OPA1: variants seen among roughly 807,000 people sequenced by gnomAD.
The protein encoded by OPA1 is dynamin-like GTPase OPA1, mitochondrial.
A neutral mutation model predicts 152.9 loss-of-function variants in OPA1; 59 were observed. The observed-to-expected ratio is 0.39, with a 90% confidence interval of 0.31 to 0.48. OPA1 has a LOEUF of 0.48. OPA1 is among the 20% of genes least tolerant of loss of function. The pLI is 0.96. For missense variants in OPA1, 1,008 were observed against 1,216.8 expected, an observed-to-expected ratio of 0.83 and a Z score of 2.55; for synonymous variants, 400 against 389.9, an observed-to-expected ratio of 1.03 and a Z score of -0.31.
chr3:193,596,340 T>TTTC lies in OPA1; in HGVS notation c.32+2931_32+2932insTTC, dbSNP rs1204679679. 7.8e-3 allele frequency among the ~76,000 whole-genome samples: 618 copies of TTTC among 79,264 alleles called. 6 individuals are homozygous for TTTC. Among genetic ancestry groups the TTTC allele is most frequent in the African/African-American group, 0.02 (415 of 20,368 alleles). The allele number at this position is 79,264 out of a possible 152,430, so 52.0% of individuals were successfully genotyped here. ...CCTTTCCTTTCCTTTCCTTTCCTTTTCTTTTCTTTTCTTTTCTTTTCTTAA... is the reference window on the plus strand; with the variant it reads ...CCTTTCCTTTCCTTTCCTTTCCTTTTTTCCTTTTCTTTTCTTTTCTTTTCTTAA... On this transcript the variant is annotated intron_variant, in intron 1 of 30. Coordinates refer to ENST00000361510, the MANE Select transcript of OPA1 (RefSeq NM_130837.3).
chr3:193,635,018 A>G (rs1479724325), intron 8 of OPA1, among the ~76,000 whole-genome samples: 1 of 152,230 alleles, frequency 6.6e-6, no homozygotes, highest in African/African-American at 2.4e-5. Flanking sequence ...AATAATGTGA[A>G]GAAAGGGAAG....
intron 7 of OPA1, among the ~76,000 whole-genome samples, chr3:193,631,010 G>A (rs564024830): frequency 1.3e-5 from 2 of 152,254 alleles, no homozygotes; most frequent in East Asian, 3.9e-4. Flanking sequence ...TTACGAGTTA[G>A]CAGATCTTTC....
chr3:193,642,907 G>C, intron 12 of OPA1, 62 bp downstream of exon 12: 1 of 1,563,232 alleles, frequency 6.4e-7, no homozygotes, highest in Non-Finnish European at 8.8e-7. Context: ...GCTTATAAAA[G>C]ACAGTTAAAG....
At chr3:193,611,182 C>T (rs145635136) in intron 1 of OPA1, among the ~76,000 whole-genome samples, 50 of 152,238 alleles carry the variant, frequency 3.3e-4, no homozygotes, top group African/African-American at 1.1e-3. Flanking sequence ...TGGAACCGCC[C>T]GATTGTGATT....
chr3:193,606,132 A>G (rs1479079900), intron 1 of OPA1, among the ~76,000 whole-genome samples: 1 of 152,088 alleles, frequency 6.6e-6, no homozygotes, highest in Non-Finnish European at 1.5e-5. Context: ...ATCAGCCGAC[A>G]ATCCCTTTTC....
intron 1 of OPA1, among the ~76,000 whole-genome samples, chr3:193,596,335 C>CCTTTCCTTTT (rs1224361507): frequency 7.9e-6 from 1 of 126,612 alleles, no homozygotes; most frequent in East Asian, 2.2e-4. Context: ...CCTTTCCTTT[C>CCTTTCCTTTT]CTTTTCTTTT....
chr3:193,622,281 T>C (rs1324584675), intron 6 of OPA1, among the ~76,000 whole-genome samples: 1 of 140,214 alleles, frequency 7.1e-6, no homozygotes, highest in Admixed American at 7.7e-5. Context: ...CCGGCTGGAG[T>C]ACAGTGGTAC....
intron 1 of OPA1, among the ~76,000 whole-genome samples, chr3:193,608,291 C>T (rs1246991361): frequency 6.6e-5 from 10 of 152,080 alleles, no homozygotes; most frequent in South Asian, 4.2e-4. Context: ...TTAATTGTGA[C>T]GTTAGGGTGT....
intron 15 of OPA1, 77 bp from the exon 16 acceptor site, chr3:193,643,898 G>T (rs1734148737): frequency 7.1e-7 from 1 of 1,403,136 alleles, no homozygotes; most frequent in Non-Finnish European, 1.0e-6. Context: ...TAGACACAGG[G>T]GTATAATTTG....
At chr3:193,683,283 T>C (rs1337850791) in intron 29 of OPA1, among the ~76,000 whole-genome samples, 5 of 151,660 alleles carry the variant, frequency 3.3e-5, no homozygotes, top group Non-Finnish European at 5.9e-5. Flanking sequence ...CTTTTTTTTT[T>C]TTTTGGCAGT....
chr3:193,651,512 A>G (rs1284135127), intron 21 of OPA1, among the ~76,000 whole-genome samples: 1 of 152,240 alleles, frequency 6.6e-6, no homozygotes, highest in Non-Finnish European at 1.5e-5. Context: ...ATATTTGACA[A>G]AGATGAACAC....
rs762879000 is a variant in OPA1 at position 193,644,125 on chromosome 3, T to A, written c.1608+20T>A. 14 of 1,612,836 alleles carry A rather than the reference T, an allele frequency of 8.7e-6. No individual in the cohort carries two copies. The highest frequency in any genetic ancestry group is 7.7e-5 in the South Asian group (7 of 91,030). ...AGCAGGGTGAGGTCAAATTCTTTGT[T>A]GCGAGAATAGATTCTTTGTAAAAGC... On this transcript the variant is annotated intron_variant, in intron 16 of 30. Transcript: ENST00000361510.
At chr3:193,685,686 C>T (rs1274601699) in intron 29 of OPA1, among the ~76,000 whole-genome samples, 2 of 151,684 alleles carry the variant, frequency 1.3e-5, no homozygotes, top group African/African-American at 4.9e-5. Context: ...ATTATGAAGC[C>T]CCATGAGAAT....
At position 193,692,200 on chromosome 3, in the gene OPA1, A is replaced by G; in HGVS notation, c.*5+68A>G. On this transcript the variant is annotated intron_variant, in intron 30 of 30. Transcript: ENST00000361510. ...AAAATTACACTTTTCTTAATAGTTT[A>G]TCATTCTGCTTCATTTACATCCTGC... 3 of 842,236 alleles carry G rather than the reference A, an allele frequency of 3.6e-6. No homozygotes were observed. In the South Asian group the frequency reaches 4.4e-5, roughly 12 times the overall value. 52.2% of individuals were successfully genotyped at this position (842,236 alleles called of 1,614,324 possible). A position where few individuals can be genotyped will look rare whatever the true frequency, so the allele number is the denominator to read the frequency against.
intron 7 of OPA1, among the ~76,000 whole-genome samples, chr3:193,630,698 A>T (rs1731944398): frequency 6.6e-6 from 1 of 152,304 alleles, no homozygotes; most frequent in Admixed American, 6.5e-5. Context: ...CAGAAATTAG[A>T]CAATTATTTT....
intron 1 of OPA1, among the ~76,000 whole-genome samples, chr3:193,612,506 C>T (rs900900731): frequency 6.6e-6 from 1 of 152,032 alleles, no homozygotes; most frequent in African/African-American, 2.4e-5. Flanking sequence ...CTTTTGGAGG[C>T]CTTTGCGTAT....
rs1204197719 is a variant in OPA1 at position 193,659,561 on chromosome 3, G to C, written c.2520G>C (p.Gln840His). The change falls in exon 25 of 31, where the codon CAG becomes CAC. Residue 840 changes from glutamine (Q) to histidine (H), a missense_variant and splice_region_variant. Gln to His is a conservative substitution (Grantham distance 24, BLOSUM62 0). This residue lies in a region of OPA1 where 229 missense variants were observed against 269.0 expected (regional missense o/e 0.85). Coordinates refer to ENST00000361510, the MANE Select transcript of OPA1 (RefSeq NM_130837.3). ...WLYWKNRTQE[Q>H]CVHNETKNEL... ...ACTGGAAGAATCGGACCCAAGAACA[G>C]GTAGAAATAAACAAGTCTCTAGTCT... is the stretch of plus-strand genomic sequence containing the variant. The C allele has an allele frequency of 6.2e-7, 1 of 1,608,304 alleles. No individual in the cohort carries two copies.
At chr3:193,606,707 A>T (rs1036562383) in intron 1 of OPA1, among the ~76,000 whole-genome samples, 5 of 152,224 alleles carry the variant, frequency 3.3e-5, no homozygotes, top group African/African-American at 1.2e-4. Context: ...TGCTATTGTG[A>T]ATAGTGCTGC....
intron 1 of OPA1, 91 bp downstream of exon 1, chr3:193,593,500 C>A: frequency 7.8e-7 from 1 of 1,279,750 alleles, no homozygotes; most frequent in Non-Finnish European, 1.0e-6. Flanking sequence ...GTGCAGGTGA[C>A]TCTCAGGCCA....
Sources: allele counts gnomAD v4.1 joint callset (sites outside exome capture counted in the v4.1 genomes callset), GRCh38; gene constraint gnomAD v4.1.1; regional missense constraint gnomAD v4.1.1; transcripts MANE v1.5; gene names NCBI Gene and HGNC (gene_info 2026-07-23, HGNC 2026-07-21).